SLC7A11: variants seen among roughly 807,000 people sequenced by gnomAD.
SLC7A11 encodes the protein solute carrier family 7 member 11.
Under a neutral mutation model 54.5 loss-of-function variants are expected in SLC7A11, and 35 were observed. The ratio of observed to expected loss-of-function variants is 0.64; its 90% confidence interval spans 0.49 to 0.85. SLC7A11 has a LOEUF of 0.85. SLC7A11 is among the 40% of genes least tolerant of loss of function. The probability of loss-of-function intolerance (pLI) is 0.00; values close to 1 mark genes in which losing one functional copy is unlikely to be tolerated. For missense variants in SLC7A11, 583 were observed against 618.1 expected, an observed-to-expected ratio of 0.94 and a Z score of 0.60; for synonymous variants, 230 against 225.2, an observed-to-expected ratio of 1.02 and a Z score of -0.19.
Position 138,183,189 on chromosome 4 carries a change from T to C in SLC7A11, c.1019+13A>G, listed in dbSNP as rs747399838. 16 of 1,566,338 alleles carry C rather than the reference T, an allele frequency of 1.0e-5. No individual in the cohort carries two copies. Among genetic ancestry groups the C allele is most frequent in the Admixed American group, 1.7e-5 (1 of 59,396 alleles). On this transcript the variant is annotated intron_variant, in intron 8 of 11. Transcript: ENST00000280612. ...ACAGAAATGTGTTTCTGGAAATACA[T>C]GAACTCACTCACCTGGAGACAGCAA...
intron 2 of SLC7A11, among the ~76,000 whole-genome samples, chr4:138,233,766 T>C (rs1738140329): frequency 6.6e-6 from 1 of 152,218 alleles, no homozygotes; most frequent in African/African-American, 2.4e-5. Flanking sequence ...TTTAGTGCTT[T>C]CAAAATATGT....
At chr4:138,206,543 TA>T (rs1422265946) in intron 6 of SLC7A11, among the ~76,000 whole-genome samples, 1 of 151,542 alleles carries the variant, frequency 6.6e-6, no homozygotes. Flanking sequence ...TCCTTACAAT[TA>T]AAAAAAGAAA....
intron 7 of SLC7A11, among the ~76,000 whole-genome samples, chr4:138,184,668 C>T (rs1465550871): frequency 6.6e-6 from 1 of 152,014 alleles, no homozygotes; most frequent in Non-Finnish European, 1.5e-5. Flanking sequence ...AAAGGATATA[C>T]TAGGAAAACC....
chr4:138,237,716 TATATATATATATATATATA>T (rs1738251115), intron 1 of SLC7A11, among the ~76,000 whole-genome samples: 2 of 7,498 alleles, frequency 2.7e-4, no homozygotes, highest in Non-Finnish European at 5.7e-4. Context: ...TATATATATA[TATATATATATATATATATA>T]TATTTTTTTT....
At chr4:138,219,558 T>C (rs1000209931) in intron 4 of SLC7A11, among the ~76,000 whole-genome samples, 193 bp from the exon 5 acceptor site, 1 of 152,206 alleles carries the variant, frequency 6.6e-6, no homozygotes, top group African/African-American at 2.4e-5. Context: ...TCATTAACAC[T>C]ATTTCATATT....
At chr4:138,216,692 A>C (rs1446484716) in intron 5 of SLC7A11, among the ~76,000 whole-genome samples, 1 of 152,172 alleles carries the variant, frequency 6.6e-6, no homozygotes, top group East Asian at 1.9e-4. Context: ...TAGCAGAGCA[A>C]GGTCTCCAGG....
chr4:138,178,223 A>T (rs1351806718), intron 11 of SLC7A11: 1 of 152,114 alleles, frequency 6.6e-6, no homozygotes, highest in East Asian at 1.9e-4. Context: ...ATGAGTGAGG[A>T]CATGTGCTGT....
rs1302562600 is a variant in SLC7A11 at position 138,169,038 on chromosome 4, A to G, written c.*2918T>C. 2 of 152,162 alleles carry G rather than the reference A, an allele frequency of 1.3e-5. No individual in the cohort carries two copies. 9.4% of individuals were successfully genotyped at this position (152,162 alleles called of 1,614,324 possible). ...TATTTGAGAATCCATCCCCACAAAA[A>G]TTAAAAAATACTATATTAGTTATTT... is the stretch of plus-strand genomic sequence containing the variant. On this transcript the variant is annotated 3_prime_UTR_variant, in exon 12 of 12. Transcript: ENST00000280612.
At chr4:138,197,799 T>A (rs928437285) in intron 6 of SLC7A11, among the ~76,000 whole-genome samples, 3 of 151,780 alleles carry the variant, frequency 2.0e-5, no homozygotes, top group African/African-American at 7.2e-5. Flanking sequence ...TACAAACTTT[T>A]AATAAAATTA....
chr4:138,175,079 C>T (rs766491367), intron 11 of SLC7A11, among the ~76,000 whole-genome samples: 2 of 152,098 alleles, frequency 1.3e-5, no homozygotes, highest in Non-Finnish European at 2.9e-5. Context: ...AGTTTGGACC[C>T]CTAAGAAATG....
intron 6 of SLC7A11, among the ~76,000 whole-genome samples, chr4:138,208,153 A>C (rs1039295428): frequency 6.6e-6 from 1 of 152,128 alleles, no homozygotes; most frequent in African/African-American, 2.4e-5. Context: ...AACTGGAAGT[A>C]GGCAAAGTAT....
chr4:138,228,594 T>C (rs1437882437), intron 3 of SLC7A11, among the ~76,000 whole-genome samples: 3 of 151,340 alleles, frequency 2.0e-5, no homozygotes, highest in South Asian at 2.1e-4. Flanking sequence ...CCGTCTCTAC[T>C]AAAAATACAA....
At chr4:138,240,359 G>A (rs1738346234) in intron 1 of SLC7A11, among the ~76,000 whole-genome samples, 1 of 152,034 alleles carries the variant, frequency 6.6e-6, no homozygotes, top group Non-Finnish European at 1.5e-5. Flanking sequence ...GAGGTCAGGA[G>A]ATCGAGACCA....
intron 6 of SLC7A11, among the ~76,000 whole-genome samples, chr4:138,197,585 A>G (rs1737172110): frequency 6.6e-6 from 1 of 152,090 alleles, no homozygotes; most frequent in African/African-American, 2.4e-5. Context: ...AGCAGATTTA[A>G]TTATGAGAGA....
At chr4:138,186,270 C>T (rs533327521) in intron 6 of SLC7A11, among the ~76,000 whole-genome samples, 4 of 152,236 alleles carry the variant, frequency 2.6e-5, no homozygotes, top group Admixed American at 6.5e-5. Context: ...TCAGCCCTCA[C>T]GGAGCCTTCA....
At chr4:138,231,180 A>G (rs960510394) in intron 3 of SLC7A11, among the ~76,000 whole-genome samples, 14 of 152,120 alleles carry the variant, frequency 9.2e-5, no homozygotes, top group Admixed American at 6.6e-4. Context: ...TCGGAGACTC[A>G]GAGAGATGAG....
At chr4:138,206,785 T>G (rs1201993189) in intron 6 of SLC7A11, among the ~76,000 whole-genome samples, 2 of 151,934 alleles carry the variant, frequency 1.3e-5, no homozygotes, top group Non-Finnish European at 2.9e-5. Flanking sequence ...ACATGTTCTA[T>G]TAGTGCGAAA....
chr4:138,203,168 T>C (rs745329195), intron 6 of SLC7A11, among the ~76,000 whole-genome samples: 9 of 152,094 alleles, frequency 5.9e-5, no homozygotes, highest in Non-Finnish European at 1.2e-4. Context: ...TTCCCTACAT[T>C]TGTTCTCATA....
intron 6 of SLC7A11, among the ~76,000 whole-genome samples, chr4:138,187,548 C>A (rs1483641834): frequency 6.6e-6 from 1 of 152,142 alleles, no homozygotes; most frequent in African/African-American, 2.4e-5. Context: ...TTTGGACCAC[C>A]AAAGTGTATT....
Sources: allele counts gnomAD v4.1 joint callset (sites outside exome capture counted in the v4.1 genomes callset), GRCh38; gene constraint gnomAD v4.1.1; transcripts MANE v1.5; gene names NCBI Gene and HGNC (gene_info 2026-07-23, HGNC 2026-07-21).